Variants in PPP2R2B observed in about 807,000 individuals in gnomAD.
The protein encoded by PPP2R2B is serine/threonine-protein phosphatase 2A 55 kDa regulatory subunit B beta isoform.
Under a neutral mutation model 46.0 loss-of-function variants are expected in PPP2R2B, and 5 were observed. That is an observed-to-expected ratio of 0.11 (90% CI 0.06 to 0.23). The LOEUF (loss-of-function observed/expected upper bound fraction) is 0.23. Among genes scored for constraint, PPP2R2B ranks in the 10% least tolerant of loss-of-function variants. PPP2R2B has a pLI of 1.00. For missense variants in PPP2R2B, 367 were observed against 575.0 expected (o/e 0.64, Z 3.70); for synonymous variants, 215 against 206.7 (o/e 1.04, Z -0.34).
At chr5:146,772,140 G>C (rs1035455518) in intron 2 of PPP2R2B, among the ~76,000 whole-genome samples, 1 of 151,846 alleles carries the variant, frequency 6.6e-6, no homozygotes, top group Non-Finnish European at 1.5e-5. Flanking sequence ...CCTTTAAAAA[G>C]GTTCTATATG....
Position 146,964,600 on chromosome 5 carries a change from A to T in PPP2R2B, c.79+91065T>A, listed in dbSNP as rs545097338. Among the ~76,000 whole-genome samples the T allele has an allele frequency of 1.8e-3, 272 of 152,110 alleles. 3 individuals carry two copies. Among genetic ancestry groups the T allele is most frequent in the African/African-American group, 6.0e-3 (247 of 41,492 alleles). ...GAGTGCAGTGGCATGATCTTGGCTC[A>T]CTGCAAGCTTTGCCTCCCAGGTTCA... On this transcript the variant is annotated intron_variant, in intron 1 of 8. Transcript: ENST00000336640.
Position 147,055,856 on chromosome 5 carries a change from C to G in PPP2R2B, c.-113G>C, listed in dbSNP as rs878931089. ...CCAATATGTTTATGTAGGTTCTTTC[C>G]CAGATTTGCAAAGCTGGGGTGCCCG... On this transcript the variant is annotated 5_prime_UTR_variant, in exon 1 of 9. Transcript: ENST00000336640. The G allele has an allele frequency of 4.7e-6, 7 of 1,476,904 alleles. No homozygotes were observed. The South Asian group carries it at 6.9e-5, about 15-fold the overall frequency. 91.5% of individuals were successfully genotyped at this position (1,476,904 alleles called of 1,614,324 possible). A position where few individuals can be genotyped will look rare whatever the true frequency, so the allele number is the denominator to read the frequency against.
intron 2 of PPP2R2B, among the ~76,000 whole-genome samples, chr5:147,069,421 C>G (rs1369920097): frequency 6.6e-6 from 1 of 152,160 alleles, no homozygotes; most frequent in Non-Finnish European, 1.5e-5. Flanking sequence ...CCTTAGACTC[C>G]TGAAAGCTTC....
At chr5:146,692,658 T>C (rs1052884808) in intron 4 of PPP2R2B, among the ~76,000 whole-genome samples, 1 of 150,908 alleles carries the variant, frequency 6.6e-6, no homozygotes, top group Non-Finnish European at 1.5e-5. Flanking sequence ...CTCAGCCTCC[T>C]GAGTAGGTGG....
At chr5:146,663,277 C>T (rs1476770574) in intron 5 of PPP2R2B, among the ~76,000 whole-genome samples, 3 of 152,122 alleles carry the variant, frequency 2.0e-5, no homozygotes, top group Non-Finnish European at 1.5e-5. Flanking sequence ...TACTATGCTG[C>T]CTCTCAGTTG....
At chr5:146,764,800 C>CGAGAGAGAGAGAGAGA (rs67810307) in intron 2 of PPP2R2B, among the ~76,000 whole-genome samples, 86 of 149,938 alleles carry the variant, frequency 5.7e-4, no homozygotes, top group African/African-American at 2.0e-3. Context: ...ATCTCTATCC[C>CGAGAGAGAGAGAGAGA]GAGAGAGAGA....
intron 2 of PPP2R2B, among the ~76,000 whole-genome samples, chr5:146,832,377 A>ATATTTTTTTTTTTTTTTTTTTTTTTTTTT (rs1443028400): frequency 9.6e-6 from 1 of 104,298 alleles, no homozygotes; most frequent in Non-Finnish European, 2.0e-5. Context: ...GCCATTTTTA[A>ATATTTTTTTTTTTTTTTTTTTTTTTTTTT]TCTTTTTTTT....
At chr5:146,752,563 T>C (rs1447601404) in intron 2 of PPP2R2B, among the ~76,000 whole-genome samples, 1 of 152,216 alleles carries the variant, frequency 6.6e-6, no homozygotes, top group Non-Finnish European at 1.5e-5. Flanking sequence ...GCAATATCTT[T>C]AGTACCTAAT....
chr5:146,809,426 G>T (rs971968655), intron 2 of PPP2R2B, among the ~76,000 whole-genome samples: 1 of 151,984 alleles, frequency 6.6e-6, no homozygotes, highest in African/African-American at 2.4e-5. Flanking sequence ...AGGAAGGTAG[G>T]TATTTAATCT....
intron 5 of PPP2R2B, chr5:146,656,688 T>C (rs758102578): frequency 9.2e-5 from 14 of 152,584 alleles, no homozygotes; most frequent in Non-Finnish European, 1.8e-4. Flanking sequence ...ACGTGCCATG[T>C]ACCTGTCAGC....
chr5:146,660,716 A>G (rs1776618498), intron 5 of PPP2R2B, among the ~76,000 whole-genome samples: 1 of 152,204 alleles, frequency 6.6e-6, no homozygotes, highest in Non-Finnish European at 1.5e-5. Context: ...TTTGTCATAC[A>G]GATTGAAATA....
chr5:146,879,537 A>C (rs541461358), upstream of PPP2R2B, among the ~76,000 whole-genome samples: 5 of 152,316 alleles, frequency 3.3e-5, no homozygotes, highest in Admixed American at 3.3e-4. Context: ...GAAGCACAGA[A>C]ACATAAGCAT....
At chr5:146,815,712 A>C (rs1375832725) in intron 2 of PPP2R2B, among the ~76,000 whole-genome samples, 1 of 152,168 alleles carries the variant, frequency 6.6e-6, no homozygotes, top group Non-Finnish European at 1.5e-5. Context: ...ATTTTAACCT[A>C]TCCCCACTTT....
chr5:146,648,765 CA>C (rs1489538499), intron 6 of PPP2R2B, among the ~76,000 whole-genome samples: 2 of 151,960 alleles, frequency 1.3e-5, no homozygotes, highest in East Asian at 3.9e-4. Flanking sequence ...ATGCTGTGGG[CA>C]AAATATTCTA....
intron 1 of PPP2R2B, among the ~76,000 whole-genome samples, chr5:146,957,530 A>G (rs1048827676): frequency 5.9e-5 from 9 of 152,180 alleles, no homozygotes; most frequent in Non-Finnish European, 8.8e-5. Flanking sequence ...GAGAGAAGAG[A>G]AAATTCAGTA....
chr5:146,833,469 C>T (rs1363232047), intron 2 of PPP2R2B, among the ~76,000 whole-genome samples: 2 of 152,158 alleles, frequency 1.3e-5, no homozygotes, highest in Non-Finnish European at 2.9e-5. Context: ...ACTAAATTCC[C>T]CCAGCCTATT....
chr5:146,617,699 T>C (rs1269827483), intron 7 of PPP2R2B, among the ~76,000 whole-genome samples: 2 of 112,406 alleles, frequency 1.8e-5, no homozygotes, highest in Non-Finnish European at 3.3e-5. Context: ...TCTCTCTCTC[T>C]TTTTTTTTTT....
rs757795857 is a variant in PPP2R2B, at chr5:146,958,988, G to A, written c.79+96677C>T. On this transcript the variant is annotated intron_variant, in intron 1 of 8. Coordinates refer to the PPP2R2B transcript ENST00000336640. ...GGTGGGATTCAAACAATTCAAAAAA[G>A]CTGTTGAGATCTTGTTTATTTCACA... Among the ~76,000 whole-genome samples the A allele has an allele frequency of 6.6e-5, 10 of 152,114 alleles. No homozygotes were observed. The South Asian group carries it at 2.1e-3, about 32-fold the overall frequency.
At chr5:146,781,893 T>C (rs999549986) in intron 2 of PPP2R2B, among the ~76,000 whole-genome samples, 1 of 152,182 alleles carries the variant, frequency 6.6e-6, no homozygotes, top group African/African-American at 2.4e-5. Flanking sequence ...CCACCAAATC[T>C]CATGTTGAAT....
Sources: gnomAD v4.1 joint callset for allele counts (sites outside exome capture counted in the v4.1 genomes callset) on GRCh38, gnomAD v4.1.1 for gene constraint, MANE v1.5 for transcripts, NCBI Gene and HGNC (gene_info 2026-07-23, HGNC 2026-07-21) for gene names.